Variants in NDUFAB1 observed in about 807,000 individuals in gnomAD.
NDUFAB1 encodes the protein NADH:ubiquinone oxidoreductase subunit AB1, also known as acyl carrier protein, mitochondrial.
Under a neutral mutation model 16.1 loss-of-function variants are expected in NDUFAB1, and 5 were observed. The ratio of observed to expected loss-of-function variants is 0.31; its 90% CI spans 0.16 to 0.65. The LOEUF (loss-of-function observed/expected upper bound fraction) is 0.65. NDUFAB1 is among the 30% of genes least tolerant of loss of function. The probability of loss-of-function intolerance (pLI) is 0.77; values close to 1 mark genes in which losing one functional copy is unlikely to be tolerated. For missense variants in NDUFAB1, 187 were observed against 205.3 expected (o/e 0.91, Z 0.54); for synonymous variants, 85 against 78.4 (o/e 1.08, Z -0.44).
At position 23,596,245 on chromosome 16, in the gene NDUFAB1, C is replaced by T; in HGVS notation, c.46G>A (p.Ala16Thr). Reference sequence around the variant, plus strand: ...CGGACCCGGGGCAGCGGCGCAAAGGCCGCGGGCAGGCGGCTGACATAGGCT... The same window carrying T: ...CGGACCCGGGGCAGCGGCGCAAAGGTCGCGGGCAGGCGGCTGACATAGGCT... ...LSAYVSRLPA[A>T]FAPLPRVRML... The change falls in exon 1 of 5, where the codon GCC (alanine) becomes ACC (threonine). Residue 16 changes from alanine to threonine, a missense_variant. Physicochemically the swap from Ala to Thr is moderately conservative, Grantham distance 58. Coordinates refer to ENST00000007516, the MANE Select transcript of NDUFAB1 (RefSeq NM_005003.3). 1 of 1,602,774 alleles carries T rather than the reference C, an allele frequency of 6.2e-7. No homozygotes were observed. Among genetic ancestry groups the T allele is most frequent in the Non-Finnish European group, 8.5e-7 (1 of 1,175,870 alleles).
rs752023136 is a variant in NDUFAB1 at position 23,581,066 on chromosome 16, A to C, written c.*116T>G. ...GTAAAACACATACAATTTAAATACAAGTCCATCAGAATCACTCTGTCAGAG... is the reference window on the plus strand; with the variant it reads ...GTAAAACACATACAATTTAAATACACGTCCATCAGAATCACTCTGTCAGAG... On this transcript the variant is annotated 3_prime_UTR_variant, in exon 5 of 5. Transcript: ENST00000007516. 3.3e-5 allele frequency: 5 copies of C among 152,700 alleles called. No individual in the cohort carries two copies. The highest frequency in any genetic ancestry group is 7.3e-5 in the Non-Finnish European group (5 of 68,050). The allele number at this position is 152,700 out of a possible 1,614,324, so 9.5% of individuals were successfully genotyped here.
chr16:23,585,514 A>G (rs1966224934), intron 2 of NDUFAB1, 91 bp from the exon 3 acceptor site: 3 of 873,268 alleles, frequency 3.4e-6, no homozygotes, highest in Non-Finnish European at 3.8e-6. Flanking sequence ...CTTAATCACT[A>G]TATTGAATTT....
chr16:23,588,793 C>T (rs1475803894), intron 1 of NDUFAB1, among the ~76,000 whole-genome samples: 1 of 152,130 alleles, frequency 6.6e-6, no homozygotes, highest in East Asian at 1.9e-4. Flanking sequence ...GCCTGGCCAA[C>T]ATGGTGAAGC....
chr16:23,593,740 G>T (rs941332742), intron 1 of NDUFAB1, among the ~76,000 whole-genome samples: 5 of 152,124 alleles, frequency 3.3e-5, no homozygotes, highest in Admixed American at 3.3e-4. Flanking sequence ...CCAATCAACT[G>T]AGAATCAATG....
chr16:23,582,139 A>G, intron 4 of NDUFAB1, 137 bp downstream of exon 4: 1 of 1,115,242 alleles, frequency 9.0e-7, no homozygotes, highest in East Asian at 3.1e-5. Context: ...GTGGCAGACA[A>G]CAGGAAAGGG....
intron 1 of NDUFAB1, chr16:23,595,595 T>G (rs1966317857): frequency 4.4e-6 from 2 of 456,270 alleles, no homozygotes; most frequent in Non-Finnish European, 4.4e-6. Context: ...CTTGGCTTGT[T>G]TCCTAGAATT....
chr16:23,584,638 G>C (rs1966218312), intron 3 of NDUFAB1, among the ~76,000 whole-genome samples: 1 of 152,124 alleles, frequency 6.6e-6, no homozygotes, highest in Non-Finnish European at 1.5e-5. Context: ...TGAGGAAACA[G>C]GCTTTGAGAG....
At position 23,587,368 on chromosome 16, in the gene NDUFAB1, C is replaced by A; in HGVS notation, c.169-49G>T. Reference sequence around the variant, plus strand: ...CACTGTCATTGAATGGAAAATACCTCTAAATCAATGCACAAGCCTATAGGT... The same window carrying A: ...CACTGTCATTGAATGGAAAATACCTATAAATCAATGCACAAGCCTATAGGT... On this transcript the variant is annotated intron_variant, in intron 1 of 4. Coordinates refer to ENST00000007516, the MANE Select transcript of NDUFAB1 (RefSeq NM_005003.3). The A allele has an allele frequency of 6.2e-7, 1 of 1,604,166 alleles. No homozygotes were observed. The highest frequency in any genetic ancestry group is 1.1e-5 in the South Asian group (1 of 89,856).
chr16:23,590,619 A>G (rs1966271293), intron 1 of NDUFAB1, among the ~76,000 whole-genome samples: 1 of 143,098 alleles, frequency 7.0e-6, no homozygotes, highest in Non-Finnish European at 1.5e-5. Flanking sequence ...CTACCCTCTC[A>G]TGCTCCTGCC....
At chr16:23,593,984 C>T (rs191975908) in intron 1 of NDUFAB1, among the ~76,000 whole-genome samples, 31 of 151,672 alleles carry the variant, frequency 2.0e-4, no homozygotes, top group African/African-American at 6.8e-4. Flanking sequence ...GGGTTCATGC[C>T]ATTCTCCTGC....
intron 1 of NDUFAB1, among the ~76,000 whole-genome samples, 191 bp downstream of exon 1, chr16:23,595,932 T>C (rs1966321550): frequency 6.6e-6 from 1 of 152,176 alleles, no homozygotes; most frequent in Non-Finnish European, 1.5e-5. Flanking sequence ...CTCTTGCTCG[T>C]TATTACGAGG....
chr16:23,585,183 G>T (rs552212737), intron 3 of NDUFAB1, among the ~76,000 whole-genome samples, 153 bp downstream of exon 3: 101 of 152,344 alleles, frequency 6.6e-4, no homozygotes, highest in African/African-American at 2.4e-3. Flanking sequence ...TCACCTGATG[G>T]TAAGTGGGCA....
Position 23,596,153 on chromosome 16 carries a change from C to A in NDUFAB1, c.138G>T (p.Gly46=). 1 of 1,610,402 alleles carries A rather than the reference C, an allele frequency of 6.2e-7. No homozygotes were observed. The highest frequency in any genetic ancestry group is 2.2e-5 in the East Asian group (1 of 44,584). ...LCSAGTQTRL[G]TLQPALVLAQ... is the part of the protein sequence containing the mutation. ...CGAGCACTAAGGCCGGCTGCAAAGT[C>A]CCGAGCCTCGTCTGGGTCCCCGCGG... Residue 46 remains glycine (G), a synonymous_variant, in exon 1 of 5, where the codon GGG becomes GGT. Transcript: ENST00000007516.
chr16:23,586,984 T>C (rs1966239045), intron 2 of NDUFAB1, among the ~76,000 whole-genome samples: 1 of 152,196 alleles, frequency 6.6e-6, no homozygotes, highest in Non-Finnish European at 1.5e-5. Context: ...GATACATACA[T>C]ATAATATACA....
intron 4 of NDUFAB1, 156 bp downstream of exon 4, chr16:23,582,119 GC>G: frequency 1.2e-6 from 1 of 817,478 alleles, no homozygotes. Flanking sequence ...CCAGGGCTGG[GC>G]CCCTTTGAGT....
intron 3 of NDUFAB1, among the ~76,000 whole-genome samples, chr16:23,584,033 C>T (rs536387291): frequency 8.4e-4 from 128 of 151,748 alleles, no homozygotes; most frequent in Admixed American, 1.4e-3. Flanking sequence ...GCAAGATGTG[C>T]TTTGTTAAAC....
intron 2 of NDUFAB1, among the ~76,000 whole-genome samples, 166 bp from the exon 3 acceptor site, chr16:23,585,589 G>A (rs112996943): frequency 1.3e-5 from 2 of 152,318 alleles, no homozygotes; most frequent in African/African-American, 4.8e-5. Flanking sequence ...GTATACATGT[G>A]CCATGTTGGT....
At chr16:23,590,516 T>C (rs912414625) in intron 1 of NDUFAB1, among the ~76,000 whole-genome samples, 3 of 152,194 alleles carry the variant, frequency 2.0e-5, no homozygotes. Flanking sequence ...GTAAGTGCTA[T>C]TTAGGGTTAT....
At chr16:23,582,731 C>T (rs1470808073) in intron 3 of NDUFAB1, among the ~76,000 whole-genome samples, 2 of 150,920 alleles carry the variant, frequency 1.3e-5, no homozygotes. Context: ...CACGGTCTCC[C>T]TCTCCCTCTC....
Sources: gnomAD v4.1 joint callset for allele counts (sites outside exome capture counted in the v4.1 genomes callset) on GRCh38, gnomAD v4.1.1 for gene constraint, MANE v1.5 for transcripts, NCBI Gene and HGNC (gene_info 2026-07-23, HGNC 2026-07-21) for gene names.